The following HMGXB3 variants were observed in gnomAD, a reference collection of about 807,000 sequenced individuals.
HMGXB3 encodes HMG-box containing 3, also known as HMG domain-containing protein 3.
HMGXB3 carries 45 observed loss-of-function variants against 121.5 expected under a neutral mutation model. The ratio of observed to expected loss-of-function variants is 0.37; its 90% CI spans 0.29 to 0.47. The LOEUF is 0.47. Ranked by LOEUF, HMGXB3 falls within the 20% of genes least tolerant of loss-of-function variation. The pLI, the probability that HMGXB3 is intolerant of heterozygous loss-of-function variation, is 0.99. For missense variants in HMGXB3, 1,376 were observed against 1,602.2 expected, an observed-to-expected ratio of 0.86 and a Z score of 2.41; for synonymous variants, 590 against 624.1, an observed-to-expected ratio of 0.95 and a Z score of 0.81.
intron 12 of HMGXB3, 63 bp downstream of exon 12, chr5:150,037,000 T>C: frequency 7.5e-7 from 1 of 1,330,394 alleles, no homozygotes; most frequent in Non-Finnish European, 1.0e-6. Context: ...TGCTCTTTTC[T>C]TCAGAAAACA....
chr5:150,021,613 C>G, intron 6 of HMGXB3: 1 of 506,706 alleles, frequency 2.0e-6, no homozygotes, highest in South Asian at 1.6e-5. Context: ...TGGCTCAGTA[C>G]TGATGGAAGT....
At chr5:150,039,782 G>T (rs1408654520) in intron 13 of HMGXB3, among the ~76,000 whole-genome samples, 1 of 152,102 alleles carries the variant, frequency 6.6e-6, no homozygotes, top group Non-Finnish European at 1.5e-5. Context: ...AAAAATATTT[G>T]TATGGGACCA....
At chr5:150,004,340 A>T (rs1361338050) in intron 1 of HMGXB3, among the ~76,000 whole-genome samples, 1 of 152,230 alleles carries the variant, frequency 6.6e-6, no homozygotes, top group African/African-American at 2.4e-5. Context: ...GAGTATAAAG[A>T]AATCTTTTAC....
chr5:150,025,719 T>C (rs749449568), intron 7 of HMGXB3, among the ~76,000 whole-genome samples: 4 of 151,780 alleles, frequency 2.6e-5, no homozygotes, highest in Non-Finnish European at 5.9e-5. Flanking sequence ...AGGCACGCAC[T>C]ACCACACCTG....
chr5:150,013,597 T>C (rs1755892822), intron 5 of HMGXB3, among the ~76,000 whole-genome samples: 1 of 152,190 alleles, frequency 6.6e-6, no homozygotes. Context: ...CCTCAGTTCT[T>C]TTCCTTAAAT....
At chr5:150,027,585 C>CT (rs1440691046) in intron 9 of HMGXB3, among the ~76,000 whole-genome samples, 1 of 151,572 alleles carries the variant, frequency 6.6e-6, no homozygotes, top group African/African-American at 2.4e-5. Context: ...GTGTCTCACT[C>CT]TGTCACCCAG....
intron 15 of HMGXB3, among the ~76,000 whole-genome samples, chr5:150,043,080 T>C (rs1756675645): frequency 6.6e-6 from 1 of 152,222 alleles, no homozygotes; most frequent in African/African-American, 2.4e-5. Flanking sequence ...CAGTAGGAAA[T>C]ATGTTAATGT....
chr5:150,010,082 C>A, intron 3 of HMGXB3, 29 bp from the exon 4 acceptor site: 2 of 1,537,876 alleles, frequency 1.3e-6, no homozygotes, highest in Non-Finnish European at 1.8e-6. Context: ...CTCTGCTTGT[C>A]TCCCCCTTCC....
Position 150,024,244 on chromosome 5 carries a change from G to A in HMGXB3, c.1042-18G>A. The A allele has an allele frequency of 6.6e-7, 1 of 1,505,204 alleles. No homozygotes were observed. Among genetic ancestry groups the A allele is most frequent in the Non-Finnish European group, 8.9e-7 (1 of 1,128,062 alleles). 93.2% of individuals were successfully genotyped at this position (1,505,204 alleles called of 1,614,324 possible). On this transcript the variant is annotated intron_variant, in intron 6 of 19. Coordinates refer to ENST00000502717, the MANE Select transcript of HMGXB3 (RefSeq NM_014983.3). The stretch of plus-strand genomic sequence containing the variant: ...CTGTAAAATCCCTTATGTATACAAG[G>A]TATTCTTATTTTTCTAGGAAAAGCC...
At position 150,041,938 on chromosome 5, in the gene HMGXB3, A is replaced by G; in HGVS notation, c.2699A>G (p.Glu900Gly). The G allele has an allele frequency of 6.4e-7, 1 of 1,551,636 alleles. No individual in the cohort carries two copies. The highest frequency in any genetic ancestry group is 2.4e-5 in the East Asian group (1 of 40,920). The change falls in exon 15 of 20, where the codon GAA (glutamate) becomes GGA (glycine). Residue 900 changes from glutamate to glycine, a missense_variant. Glu to Gly is a moderately conservative substitution (Grantham distance 98). Coordinates refer to ENST00000502717, the MANE Select transcript of HMGXB3 (RefSeq NM_014983.3). ...APKVEMAQRS[E>G]ENVLALKSVE... ...AAAGTGGAAATGGCTCAGAGGAGTG[A>G]AGAGAATGTGCTAGCACTGAAGAGC...
In HMGXB3 at chr5:150,030,885, T is replaced by C. The variant is rs767244341; in HGVS notation, c.1833+46T>C. The C allele has an allele frequency of 1.0e-5, 15 of 1,447,610 alleles. No homozygotes were observed. The South Asian group carries it at 1.8e-4, about 18-fold the overall frequency. 89.7% of individuals were successfully genotyped at this position (1,447,610 alleles called of 1,614,324 possible). A position where few individuals can be genotyped will look rare whatever the true frequency, so the allele number is the denominator to read the frequency against. Reference sequence around the variant, plus strand: ...TGGTGGGTTGACATGGAGGTTGTTTTGATTTTGTGGTTGAAGGTCAGTAGG... The same window carrying C: ...TGGTGGGTTGACATGGAGGTTGTTTCGATTTTGTGGTTGAAGGTCAGTAGG... On this transcript the variant is annotated intron_variant, in intron 10 of 19. Transcript: ENST00000502717.
intron 6 of HMGXB3, chr5:150,021,991 C>T (rs1011136856): frequency 6.2e-5 from 24 of 384,696 alleles, no homozygotes; most frequent in African/African-American, 2.3e-4. Context: ...GGAGCAGGAG[C>T]GGGCAGGAGC....
At position 150,052,118 on chromosome 5, in the gene HMGXB3, C is replaced by T. The variant is rs1446359756; in HGVS notation, c.3805C>T (p.Leu1269Phe). 6.4e-7 allele frequency: 1 copy of T among 1,551,554 alleles called. No individual in the cohort carries two copies. Among genetic ancestry groups the T allele is most frequent in the African/African-American group, 1.4e-5 (1 of 73,058 alleles). The change falls in exon 20 of 20, where the codon CTT (leucine) becomes TTT (phenylalanine). Residue 1269 changes from leucine (L) to phenylalanine (F), a missense_variant. Coordinates refer to ENST00000502717, the MANE Select transcript of HMGXB3 (RefSeq NM_014983.3). The part of the protein sequence containing the change: ...EVVIRDTLYR[L>F]GVAQIKTETE... ...GGTCATTCGTGACACCCTCTACCGCCTTGGGGTTGCTCAGATCAAGACAGA... is the reference window on the plus strand; with the variant it reads ...GGTCATTCGTGACACCCTCTACCGCTTTGGGGTTGCTCAGATCAAGACAGA...
In HMGXB3 at chr5:150,010,519, G is replaced by C. The variant is rs200294659; in HGVS notation, c.721G>C (p.Val241Leu). Residue 241 changes from valine to leucine, a missense_variant, in exon 4 of 20, where the codon GTG (valine) becomes CTG (leucine). Around this residue, in one of 2 missense-constraint regions of HMGXB3, gnomAD observed 1,116 missense variants for 1,369.0 expected, o/e 0.82. Coordinates refer to ENST00000502717, the MANE Select transcript of HMGXB3 (RefSeq NM_014983.3). ...AAGCCTGGTAATTGAAGAGACCTTGGTGAATGGCTCACCAGACCTCCCCAC... is the reference window on the plus strand; with the variant it reads ...AAGCCTGGTAATTGAAGAGACCTTGCTGAATGGCTCACCAGACCTCCCCAC... Reference protein sequence around the residue: ...QTSLVIEETLVNGSPDLPTGS... With the variant: ...QTSLVIEETLLNGSPDLPTGS... 3 of 1,551,640 alleles carry C rather than the reference G, an allele frequency of 1.9e-6. No individual in the cohort carries two copies. The highest frequency in any genetic ancestry group is 2.6e-6 in the Non-Finnish European group (3 of 1,147,008).
chr5:150,016,527 G>C (rs992554267), intron 5 of HMGXB3, among the ~76,000 whole-genome samples: 18 of 152,096 alleles, frequency 1.2e-4, no homozygotes, highest in Admixed American at 1.3e-4. Context: ...TTTATCTCTA[G>C]TAATCTTTGC....
rs373271177 is a variant in HMGXB3, at chr5:150,010,591, G to T, written c.793G>T (p.Val265Leu). 1.9e-6 allele frequency: 3 copies of T among 1,550,812 alleles called. No individual in the cohort carries two copies. In the Admixed American group the frequency reaches 5.9e-5, roughly 30 times the overall value. Residue 265 changes from valine (V) to leucine (L), a missense_variant, in exon 4 of 20, where the codon GTG becomes TTG. Around this residue, in one of 2 missense-constraint regions of HMGXB3, gnomAD observed 1,116 missense variants for 1,369.0 expected, o/e 0.82. Coordinates refer to ENST00000502717, the MANE Select transcript of HMGXB3 (RefSeq NM_014983.3). ...CCCCCAGGTTGGGGAGAGTGTATCA[G>T]TGGTAACAGTCATGAGGGTAAGTGG... is the stretch of plus-strand genomic sequence containing the variant. ...PHPQVGESVS[V>L]VTVMRDSSES...
chr5:150,041,686 AG>A (rs1289717328), intron 14 of HMGXB3, 98 bp from the exon 15 acceptor site: 5 of 833,630 alleles, frequency 6.0e-6, no homozygotes, highest in Non-Finnish European at 7.6e-6. Flanking sequence ...AAGGTGAATC[AG>A]TCTGGCAGAA....
intron 11 of HMGXB3, among the ~76,000 whole-genome samples, chr5:150,034,252 C>A (rs916100956): frequency 6.6e-6 from 1 of 152,150 alleles, no homozygotes; most frequent in South Asian, 2.1e-4. Context: ...ATTGATCACA[C>A]CCCATATTGA....
At chr5:150,041,504 T>C (rs1756634219) in intron 14 of HMGXB3, among the ~76,000 whole-genome samples, 1 of 152,202 alleles carries the variant, frequency 6.6e-6, no homozygotes, top group African/African-American at 2.4e-5. Flanking sequence ...CATAAAGAAT[T>C]AAATTGAGGT....
Sources: gnomAD v4.1 joint callset for allele counts (sites outside exome capture counted in the v4.1 genomes callset) on GRCh38, gnomAD v4.1.1 for gene constraint, gnomAD v4.1.1 regional missense constraint, MANE v1.5 for transcripts, NCBI Gene and HGNC (gene_info 2026-07-23, HGNC 2026-07-21) for gene names.